Variants in DCAF8L2 observed in about 807,000 individuals in gnomAD.
DCAF8L2 encodes the protein DDB1 and CUL4 associated factor 8 like 2, also known as DDB1- and CUL4-associated factor 8-like protein 2.
For synonymous variants in DCAF8L2, 200 were observed against 190.9 expected, an observed-to-expected ratio of 1.05 and a Z score of -0.39; for missense variants, 430 against 490.7, an observed-to-expected ratio of 0.88 and a Z score of 1.17.
At chrX:27,561,941 A>T in the DCAF8L2 span, among the ~76,000 whole-genome samples, 4 of 111,654 alleles carry the variant, frequency 3.6e-5, no homozygotes, top group African/African-American at 9.8e-5. Context: ...CTAGGAGTAA[A>T]ATTACAGGAT....
intron 1 of DCAF8L2, among the ~76,000 whole-genome samples, chrX:27,620,991 G>A (rs1419426072): frequency 8.9e-6 from 1 of 111,875 alleles, no homozygotes; most frequent in Non-Finnish European, 1.9e-5. Flanking sequence ...ACCTTACAAC[G>A]GAAGGAAATT....
Position 27,747,648 on chromosome X carries a change from G to C in DCAF8L2, c.753G>C (p.Lys251Asn). The C allele has an allele frequency of 8.3e-7, 1 of 1,209,974 alleles. No individual in the cohort carries two copies. Among genetic ancestry groups the C allele is most frequent in the Non-Finnish European group, 1.1e-6 (1 of 894,486 alleles). ...TRLASSGDDLKVIVWDWVRQR... is the reference protein window; with the variant it reads ...TRLASSGDDLNVIVWDWVRQR... ...TGGCCAGTAGCGGTGATGACCTAAAGGTGATAGTGTGGGACTGGGTGCGGC... is the reference window on the plus strand; with the variant it reads ...TGGCCAGTAGCGGTGATGACCTAAACGTGATAGTGTGGGACTGGGTGCGGC... Residue 251 changes from lysine to asparagine, a missense_variant, in exon 5 of 5, where the codon AAG (lysine) becomes AAC (asparagine). Lys to Asn is a moderately conservative substitution (Grantham distance 94). Coordinates refer to ENST00000451261, the MANE Select transcript of DCAF8L2 (RefSeq NM_001353450.2).
chrX:27,483,382 A>G, the DCAF8L2 span, among the ~76,000 whole-genome samples: 1 of 112,118 alleles, frequency 8.9e-6, no homozygotes, highest in Non-Finnish European at 1.9e-5. Context: ...AGTAGTTTAC[A>G]TTTTTGTAAA....
the DCAF8L2 span, among the ~76,000 whole-genome samples, chrX:27,481,099 C>T: frequency 2.0e-3 from 219 of 111,122 alleles, no homozygotes; most frequent in African/African-American, 6.7e-3. Context: ...TGGTATTGGC[C>T]GGGTGCAGTG....
At chrX:27,718,328 T>C (rs2147293285) in intron 4 of DCAF8L2, among the ~76,000 whole-genome samples, 1 of 112,301 alleles carries the variant, frequency 8.9e-6, no homozygotes, top group South Asian at 3.7e-4. Flanking sequence ...TGAGATTCAT[T>C]CATGTTTTTG....
chrX:27,707,879 A>G (rs919603952), intron 3 of DCAF8L2, among the ~76,000 whole-genome samples: 5 of 111,874 alleles, frequency 4.5e-5, no homozygotes, highest in African/African-American at 1.3e-4. Context: ...TTTTGTGATT[A>G]TGGAAGTTAG....
chrX:27,625,997 C>T (rs1185805827), intron 1 of DCAF8L2, among the ~76,000 whole-genome samples: 1 of 110,108 alleles, frequency 9.1e-6, no homozygotes, highest in Non-Finnish European at 1.9e-5. Flanking sequence ...GTGCATATAC[C>T]CCTGAACCTA....
chrX:27,549,733 T>G, the DCAF8L2 span, among the ~76,000 whole-genome samples: 1 of 111,581 alleles, frequency 9.0e-6, no homozygotes, highest in Non-Finnish European at 1.9e-5. Context: ...TAAATGATTG[T>G]AATGGCTGCT....
the DCAF8L2 span, among the ~76,000 whole-genome samples, chrX:27,533,230 GAAAGAGAA>G: frequency 1.2e-4 from 5 of 43,474 alleles, no homozygotes; most frequent in African/African-American, 2.4e-4. Flanking sequence ...AAGAAAGAAA[GAAAGAGAA>G]AGAAAGAAAG....
the DCAF8L2 span, among the ~76,000 whole-genome samples, chrX:27,570,300 A>T: frequency 9.0e-6 from 1 of 111,178 alleles, no homozygotes; most frequent in Non-Finnish European, 1.9e-5. Flanking sequence ...CAGTACTATG[A>T]CCTAAAAACT....
intron 2 of DCAF8L2, chrX:27,633,187 G>C (rs1222633293): frequency 8.9e-6 from 1 of 111,968 alleles, no homozygotes; most frequent in Non-Finnish European, 1.9e-5. Context: ...AGCTTCTTTA[G>C]TAAATGTTAA....
chrX:27,528,349 A>G, the DCAF8L2 span, among the ~76,000 whole-genome samples: 1 of 106,978 alleles, frequency 9.3e-6, no homozygotes, highest in Non-Finnish European at 1.9e-5. Context: ...ATTAAACATC[A>G]TAGTATTCTG....
At chrX:27,511,925 A>G in the DCAF8L2 span, among the ~76,000 whole-genome samples, 2 of 111,676 alleles carry the variant, frequency 1.8e-5, no homozygotes, top group East Asian at 2.8e-4. Flanking sequence ...AACAACAACA[A>G]CAAAAAACCT....
chrX:27,714,369 C>G (rs1203833555), intron 3 of DCAF8L2, among the ~76,000 whole-genome samples: 1 of 110,664 alleles, frequency 9.0e-6, no homozygotes, highest in Non-Finnish European at 1.9e-5. Flanking sequence ...TATGGTAATT[C>G]ATTGTGAGTT....
At position 27,658,986 on chromosome X, in the gene DCAF8L2, T is replaced by G. The variant is rs749748101; in HGVS notation, c.-219-18850T>G. 4.5e-5 allele frequency among the ~76,000 whole-genome samples: 5 copies of G among 112,210 alleles called. No individual in the cohort carries two copies. In the East Asian group the frequency reaches 1.4e-3, roughly 32 times the overall value. On this transcript the variant is annotated intron_variant, in intron 2 of 4. Coordinates refer to ENST00000451261, the MANE Select transcript of DCAF8L2 (RefSeq NM_001353450.2). The stretch of plus-strand genomic sequence containing the variant: ...TTTAATAATTCTCGCCCCCACCTGC[T>G]GAGGCTGAACTTCCAACTCCTTTCC...
chrX:27,747,832 T>C lies in DCAF8L2; in HGVS notation c.937T>C (p.Cys313Arg), dbSNP rs771074246. ...INASYFNNTK[C>R]VAQHRGPAHK... Reference sequence around the variant, plus strand: ...TGCATCATATTTCAACAATACTAAGTGTGTGGCCCAGCACAGGGGACCTGC... The same window carrying C: ...TGCATCATATTTCAACAATACTAAGCGTGTGGCCCAGCACAGGGGACCTGC... The change falls in exon 5 of 5, where the codon TGT becomes CGT. Residue 313 changes from cysteine (C) to arginine (R), a missense_variant. Coordinates refer to ENST00000451261, the MANE Select transcript of DCAF8L2 (RefSeq NM_001353450.2). 7 of 1,208,075 alleles carry C rather than the reference T, an allele frequency of 5.8e-6. No homozygotes were observed. The highest frequency in any genetic ancestry group is 2.3e-4 in the Middle Eastern group (1 of 4,371).
intron 3 of DCAF8L2, among the ~76,000 whole-genome samples, chrX:27,706,014 G>T (rs1444207817): frequency 9.0e-6 from 1 of 111,185 alleles, no homozygotes; most frequent in African/African-American, 3.3e-5. Flanking sequence ...TATATGGCTA[G>T]CCAGCTATCC....
chrX:27,608,431 A>G (rs1387402552), intron 1 of DCAF8L2, among the ~76,000 whole-genome samples: 1 of 111,921 alleles, frequency 8.9e-6, no homozygotes, highest in Non-Finnish European at 1.9e-5. Flanking sequence ...ATACTGGTAA[A>G]TAATATAATC....
intron 1 of DCAF8L2, among the ~76,000 whole-genome samples, chrX:27,622,893 C>T (rs1927844770): frequency 9.0e-6 from 1 of 111,245 alleles, no homozygotes; most frequent in Admixed American, 9.6e-5. Context: ...AAGGGCTGTA[C>T]TGTATATTTC....
Sources: gnomAD v4.1 joint callset for allele counts (sites outside exome capture counted in the v4.1 genomes callset) on GRCh38, gnomAD v4.1.1 for gene constraint, MANE v1.5 for transcripts, NCBI Gene and HGNC (gene_info 2026-07-23, HGNC 2026-07-21) for gene names.